Variants in TVP23C observed in about 807,000 individuals in gnomAD.
TVP23C encodes Golgi apparatus membrane protein TVP23 homolog C.
Under a neutral mutation model 28.7 loss-of-function variants are expected in TVP23C, and 19 were observed. The observed-to-expected ratio is 0.66, with a 90% CI of 0.46 to 0.97. The LOEUF (loss-of-function observed/expected upper bound fraction) is 0.97. TVP23C is among the 50% of genes least tolerant of loss of function. The probability of loss-of-function intolerance (pLI) is 0.00; values close to 1 mark genes in which losing one functional copy is unlikely to be tolerated. For synonymous variants in TVP23C, 68 were observed against 81.7 expected, an observed-to-expected ratio of 0.83 and a Z score of 0.90; for missense variants, 186 against 241.3, an observed-to-expected ratio of 0.77 and a Z score of 1.52.
At chr17:15,521,793 G>A (rs1023895662) in intron 5 of TVP23C, among the ~76,000 whole-genome samples, 5 of 152,246 alleles carry the variant, frequency 3.3e-5, no homozygotes, top group East Asian at 1.9e-4. Flanking sequence ...AAGATATAAC[G>A]ACAAACATAT....
chr17:15,550,296 G>C (rs560184648), intron 3 of TVP23C, among the ~76,000 whole-genome samples: 1 of 152,074 alleles, frequency 6.6e-6, no homozygotes, highest in African/African-American at 2.4e-5. Flanking sequence ...GTAGTAGTTC[G>C]CTTTTTTAAA....
chr17:15,502,895 G>C, exon 6 of TVP23C: 1 of 1,593,240 alleles, frequency 6.3e-7, no homozygotes, highest in Non-Finnish European at 8.6e-7. Flanking sequence ...ATGAAATTTT[G>C]GCCCGGGCTC....
intron 5 of TVP23C, among the ~76,000 whole-genome samples, chr17:15,522,535 T>C (rs972497656): frequency 6.6e-6 from 1 of 152,118 alleles, no homozygotes; most frequent in Non-Finnish European, 1.5e-5. Flanking sequence ...GCTGTCTACA[T>C]GGGGAAAGAT....
intron 5 of TVP23C, among the ~76,000 whole-genome samples, chr17:15,522,178 G>C (rs1305751704): frequency 2.6e-5 from 4 of 152,140 alleles, no homozygotes; most frequent in African/African-American, 9.7e-5. Flanking sequence ...ATCAATTTGA[G>C]GAGGCTTAAA....
Position 15,539,827 on chromosome 17 carries a change from C to T in TVP23C, c.*585G>A, listed in dbSNP as rs986802928. 28 of 967,564 alleles carry T rather than the reference C, an allele frequency of 2.9e-5. No individual in the cohort carries two copies. The highest frequency in any genetic ancestry group is 3.2e-5 in the Non-Finnish European group (26 of 813,936). 59.9% of individuals were successfully genotyped at this position (967,564 alleles called of 1,614,324 possible). A position where few individuals can be genotyped will look rare whatever the true frequency, so the allele number is the denominator to read the frequency against. The stretch of plus-strand genomic sequence containing the variant: ...ACAACATACAGGCTGGGCACGGTGG[C>T]TCACGCCTGTAATCCCAGCACTTTG... On this transcript the variant is annotated 3_prime_UTR_variant, in exon 6 of 6. Coordinates refer to ENST00000518321, the MANE Select transcript of TVP23C (RefSeq NM_001135036.2).
intron 2 of TVP23C, among the ~76,000 whole-genome samples, 177 bp from the exon 3 acceptor site, chr17:15,554,006 T>C (rs533961202): frequency 6.6e-6 from 1 of 152,296 alleles, no homozygotes; most frequent in South Asian, 2.1e-4. Flanking sequence ...GCCCCACTAT[T>C]TGACTAGGCC....
At chr17:15,534,298 G>A (rs1472778937), downstream of TVP23C, among the ~76,000 whole-genome samples, 1 of 152,116 alleles carries the variant, frequency 6.6e-6, no homozygotes, top group African/African-American at 2.4e-5. Context: ...TAACCACATG[G>A]CCTCAAATTA....
intron 5 of TVP23C, among the ~76,000 whole-genome samples, chr17:15,529,173 C>T (rs1982848319): frequency 6.6e-6 from 1 of 151,922 alleles, no homozygotes. Flanking sequence ...ATTGTTATGC[C>T]AGGCTCAGAG....
At chr17:15,559,055 G>C (rs1460937921) in intron 1 of TVP23C, among the ~76,000 whole-genome samples, 1 of 147,430 alleles carries the variant, frequency 6.8e-6, no homozygotes, top group Non-Finnish European at 1.5e-5. Context: ...CAAACTCCCG[G>C]GCTCAAGCAA....
intron 5 of TVP23C, among the ~76,000 whole-genome samples, chr17:15,528,290 G>A (rs1204189422): frequency 6.6e-6 from 1 of 152,092 alleles, no homozygotes; most frequent in Non-Finnish European, 1.5e-5. Flanking sequence ...GTGTTGGTAT[G>A]TTGTGTTTTC....
At chr17:15,507,160 C>G in intron 5 of TVP23C, 1 of 770,870 alleles carries the variant, frequency 1.3e-6, no homozygotes. Flanking sequence ...TTGTCCATGG[C>G]AAATGCAGGA....
chr17:15,539,537 A>G lies in TVP23C; in HGVS notation c.*875T>C. The G allele has an allele frequency of 1.4e-6, 1 of 700,350 alleles. No individual in the cohort carries two copies. The highest frequency in any genetic ancestry group is 1.8e-6 in the Non-Finnish European group (1 of 571,078). 43.4% of individuals were successfully genotyped at this position (700,350 alleles called of 1,614,324 possible). ...AGAATGGCGTGAACCCGGGAGGCGG[A>G]GCTTGCAGTAAGCCGAGATCACGCC... On this transcript the variant is annotated 3_prime_UTR_variant, in exon 6 of 6. Coordinates refer to ENST00000518321, the MANE Select transcript of TVP23C (RefSeq NM_001135036.2).
chr17:15,512,703 C>T (rs940861892), intron 5 of TVP23C, among the ~76,000 whole-genome samples: 5 of 152,200 alleles, frequency 3.3e-5, no homozygotes, highest in African/African-American at 7.2e-5. Flanking sequence ...ATCATTGATA[C>T]ATCTTTATTA....
At chr17:15,545,752 T>C (rs1983615813) in intron 5 of TVP23C, 33 bp downstream of exon 5, 1 of 1,595,314 alleles carries the variant, frequency 6.3e-7, no homozygotes, top group Non-Finnish European at 8.5e-7. Context: ...GACATCTTAA[T>C]GGATTATTTG....
At chr17:15,509,358 C>T (rs750946965) in intron 5 of TVP23C, among the ~76,000 whole-genome samples, 23 of 152,188 alleles carry the variant, frequency 1.5e-4, no homozygotes, top group Non-Finnish European at 2.9e-4. Flanking sequence ...GGACAGGATG[C>T]ACTTGGGAGG....
chr17:15,508,916 C>T (rs1171310487), intron 5 of TVP23C, among the ~76,000 whole-genome samples: 1 of 152,170 alleles, frequency 6.6e-6, no homozygotes, highest in Non-Finnish European at 1.5e-5. Flanking sequence ...GGGAAAGACC[C>T]CGATGAGTCA....
chr17:15,558,663 T>A (rs1392872665), intron 1 of TVP23C, among the ~76,000 whole-genome samples: 1 of 147,980 alleles, frequency 6.8e-6, no homozygotes, highest in Non-Finnish European at 1.5e-5. Flanking sequence ...GGCATTAAGA[T>A]GGGGAAGGGA....
chr17:15,538,555 A>G lies in TVP23C; in HGVS notation c.*1857T>C. 1 of 952,036 alleles carries G rather than the reference A, an allele frequency of 1.1e-6. No homozygotes were observed. The highest frequency in any genetic ancestry group is 1.3e-6 in the Non-Finnish European group (1 of 799,506). The allele number at this position is 952,036 out of a possible 1,614,324, so 59.0% of individuals were successfully genotyped here. ...CAGTGAGCCGAGATCGCGCCACTGC[A>G]CTCCAGCCTGGGCAAACAGAGTGAG... On this transcript the variant is annotated 3_prime_UTR_variant, in exon 6 of 6. Transcript: ENST00000518321.
intron 2 of TVP23C, among the ~76,000 whole-genome samples, chr17:15,554,869 AT>A (rs1371587291): frequency 6.6e-6 from 1 of 152,236 alleles, no homozygotes; most frequent in Non-Finnish European, 1.5e-5. Context: ...AAAAAACAGC[AT>A]TTTAGCAGGG....
Sources: gnomAD v4.1 joint callset for allele counts (sites outside exome capture counted in the v4.1 genomes callset) on GRCh38, gnomAD v4.1.1 for gene constraint, MANE v1.5 for transcripts, NCBI Gene and HGNC (gene_info 2026-07-23, HGNC 2026-07-21) for gene names.